PLEKHA1: variants seen among roughly 807,000 people sequenced by gnomAD.
The protein encoded by PLEKHA1 is pleckstrin homology domain containing A1.
Under a neutral mutation model 52.0 loss-of-function variants are expected in PLEKHA1, and 34 were observed. The observed-to-expected ratio is 0.65, with a 90% CI of 0.50 to 0.87. PLEKHA1 has a LOEUF of 0.87. Ranked by LOEUF, PLEKHA1 falls within the 40% of genes least tolerant of loss-of-function variation. The pLI is 0.00. For missense variants in PLEKHA1, 497 were observed against 504.2 expected (o/e 0.99, Z 0.14); for synonymous variants, 163 against 170.7 (o/e 0.95, Z 0.35).
chr10:122,416,551 A>G (rs1416036791), intron 7 of PLEKHA1, among the ~76,000 whole-genome samples: 1 of 152,186 alleles, frequency 6.6e-6, no homozygotes, highest in Non-Finnish European at 1.5e-5. Context: ...TAAATAAGAA[A>G]GGTGTGTTTC....
At chr10:122,402,464 A>G (rs888323277) in intron 4 of PLEKHA1, among the ~76,000 whole-genome samples, 2 of 152,228 alleles carry the variant, frequency 1.3e-5, no homozygotes, top group African/African-American at 4.8e-5. Flanking sequence ...GGAGCAGAGT[A>G]TCTGTAACCC....
At chr10:122,376,568 G>A (rs1167718188) in intron 1 of PLEKHA1, among the ~76,000 whole-genome samples, 1 of 150,760 alleles carries the variant, frequency 6.6e-6, no homozygotes, top group Admixed American at 6.6e-5. Context: ...CCGCGCGGGC[G>A]CGCGCAGAGC....
At chr10:122,410,209 C>T (rs1010897937) in intron 5 of PLEKHA1, among the ~76,000 whole-genome samples, 1 of 152,154 alleles carries the variant, frequency 6.6e-6, no homozygotes, top group South Asian at 2.1e-4. Flanking sequence ...TTTTTATTCT[C>T]TAGTTATTTT....
At chr10:122,411,839 T>G (rs1245852319) in intron 5 of PLEKHA1, 1 of 152,184 alleles carries the variant, frequency 6.6e-6, no homozygotes, top group East Asian at 1.9e-4. Context: ...ACTATTTAAG[T>G]TAAATGTTTC....
At position 122,429,971 on chromosome 10, in the gene PLEKHA1, C is replaced by T. The variant is rs1286220444; in HGVS notation, c.*33C>T. On this transcript the variant is annotated 3_prime_UTR_variant, in exon 12 of 12. Coordinates refer to ENST00000368990, the MANE Select transcript of PLEKHA1 (RefSeq NM_001001974.4). Reference sequence around the variant, plus strand: ...GCGCACGGAGCCTGCCTGCCTCTGCCGTCCTCAGTTTCCTTTCATGAGGCT... The same window carrying T: ...GCGCACGGAGCCTGCCTGCCTCTGCTGTCCTCAGTTTCCTTTCATGAGGCT... The T allele has an allele frequency of 9.6e-6, 15 of 1,568,656 alleles. No individual in the cohort carries two copies. Among genetic ancestry groups the T allele is most frequent in the East Asian group, 4.5e-5 (2 of 44,552 alleles).
chr10:122,428,984 T>C (rs2097381607), intron 11 of PLEKHA1, among the ~76,000 whole-genome samples: 1 of 152,194 alleles, frequency 6.6e-6, no homozygotes, highest in Non-Finnish European at 1.5e-5. Flanking sequence ...ATGTGTACCC[T>C]TTGTTACCTT....
At chr10:122,379,302 A>G (rs866309032) in intron 1 of PLEKHA1, among the ~76,000 whole-genome samples, 2 of 152,178 alleles carry the variant, frequency 1.3e-5, no homozygotes, top group Non-Finnish European at 2.9e-5. Context: ...TGTGGTTTCT[A>G]TTCAACCCAC....
intron 2 of PLEKHA1, among the ~76,000 whole-genome samples, chr10:122,397,270 A>G (rs750731747): frequency 4.6e-5 from 7 of 152,130 alleles, no homozygotes; most frequent in African/African-American, 1.4e-4. Context: ...GATAGCTTCA[A>G]CCAGAGATGA....
In PLEKHA1 at chr10:122,429,681, A is replaced by G. The variant is rs1045216; in HGVS notation, c.958A>G (p.Thr320Ala). The G allele has an allele frequency of 0.63, 1,015,913 of 1,613,732 alleles. 323,997 individuals carry two copies. The highest frequency in any genetic ancestry group is 0.8 in the African/African-American group (60,023 of 74,896). The change falls in exon 12 of 12, where the codon ACC (threonine) becomes GCC (alanine). Residue 320 changes from threonine (T) to alanine (A), a missense_variant. Thr to Ala is a moderately conservative substitution (Grantham distance 58). Coordinates refer to ENST00000368990, the MANE Select transcript of PLEKHA1 (RefSeq NM_001001974.4). ...CGCTTTCCGTCCTACCAACGCAGCC[A>G]CCGCCACCTCACATTCCACAGCCTC... ...KHAFRPTNAA[T>A]ATSHSTASRS...
chr10:122,374,904 G>T, intron 1 of PLEKHA1, 98 bp downstream of exon 1: 2 of 154,678 alleles, frequency 1.3e-5, no homozygotes, highest in South Asian at 3.6e-4. Context: ...CGGGCTGCTG[G>T]AGCGCGGTTC....
intron 4 of PLEKHA1, among the ~76,000 whole-genome samples, chr10:122,404,042 C>T (rs2096969515): frequency 6.6e-6 from 1 of 152,156 alleles, no homozygotes; most frequent in South Asian, 2.1e-4. Context: ...CAGATGATGG[C>T]AGTGAAGAAT....
In PLEKHA1 at chr10:122,427,023, G is replaced by C; in HGVS notation, c.892G>C (p.Ala298Pro). The C allele has an allele frequency of 6.2e-7, 1 of 1,613,430 alleles. No individual in the cohort carries two copies. Among genetic ancestry groups the C allele is most frequent in the Non-Finnish European group, 8.5e-7 (1 of 1,179,414 alleles). ...AGCACAGCGGGGTCCCGGCAGATCT[G>C]CGTCTTCTGTAGGTTTCCTGCTCTC... ...IVAQRGPGRS[A>P]SSEHPPGPSE... The change falls in exon 11 of 12, where the codon GCG becomes CCG. Residue 298 changes from alanine (A) to proline (P), a missense_variant. Coordinates refer to ENST00000368990, the MANE Select transcript of PLEKHA1 (RefSeq NM_001001974.4).
At chr10:122,418,549 G>T (rs537253060) in intron 8 of PLEKHA1, 1 of 152,268 alleles carries the variant, frequency 6.6e-6, no homozygotes, top group East Asian at 1.9e-4. Flanking sequence ...GTGGTGTAAA[G>T]AATTCTGTCT....
chr10:122,395,217 A>G (rs2096834145), intron 2 of PLEKHA1, among the ~76,000 whole-genome samples: 1 of 152,190 alleles, frequency 6.6e-6, no homozygotes, highest in Non-Finnish European at 1.5e-5. Context: ...ATAAACTTTT[A>G]AAATCCAGAT....
intron 1 of PLEKHA1, among the ~76,000 whole-genome samples, chr10:122,383,487 T>TAA (rs2096645810): frequency 2.2e-3 from 1 of 456 alleles, no homozygotes; most frequent in Non-Finnish European, 0.011. Flanking sequence ...GCCTGGCTAA[T>TAA]TTTTTTTTTT....
downstream of PLEKHA1, chr10:122,436,997 T>TA (rs1422496505): frequency 6.7e-6 from 1 of 149,450 alleles, no homozygotes; most frequent in Non-Finnish European, 1.5e-5. Context: ...ATCAGCCTTT[T>TA]TTTTTTTTTT....
intron 8 of PLEKHA1, chr10:122,423,030 T>C (rs1281122896): frequency 6.6e-6 from 1 of 152,194 alleles, no homozygotes; most frequent in Admixed American, 6.5e-5. Flanking sequence ...TTCTTTGTAC[T>C]GTTTTTCTCA....
intron 1 of PLEKHA1, among the ~76,000 whole-genome samples, chr10:122,378,838 C>T (rs898858604): frequency 2.9e-4 from 44 of 149,634 alleles, no homozygotes; most frequent in African/African-American, 9.5e-4. Context: ...GGTTTTTTTT[C>T]CCTTCCTTAC....
intron 3 of PLEKHA1, 52 bp from the exon 4 acceptor site, chr10:122,400,291 G>A: frequency 1.3e-6 from 2 of 1,500,158 alleles, no homozygotes; most frequent in Non-Finnish European, 1.8e-6. Context: ...TATAAGGTTG[G>A]TTTTAGGATT....
Sources: gnomAD v4.1 joint callset for allele counts (sites outside exome capture counted in the v4.1 genomes callset) on GRCh38, gnomAD v4.1.1 for gene constraint, MANE v1.5 for transcripts, NCBI Gene and HGNC (gene_info 2026-07-23, HGNC 2026-07-21) for gene names.